The following GYS1 variants were observed in gnomAD, a reference collection of about 807,000 sequenced individuals.
GYS1 encodes the protein glycogen synthase 1, also known as glycogen [starch] synthase, muscle.
Under a neutral mutation model 89.1 loss-of-function variants are expected in GYS1, and 60 were observed. The ratio of observed to expected loss-of-function variants is 0.67; its 90% CI spans 0.55 to 0.84. The LOEUF (loss-of-function observed/expected upper bound fraction) is 0.84, where lower values mean the gene tolerates loss of function less well. Among genes scored for constraint, GYS1 ranks in the 40% least tolerant of loss-of-function variants. The pLI is 0.00. For synonymous variants in GYS1, 366 were observed against 401.7 expected, an observed-to-expected ratio of 0.91 and a Z score of 1.06; for missense variants, 888 against 1,003.1, an observed-to-expected ratio of 0.89 and a Z score of 1.55.
Position 48,968,867 on chromosome 19 carries a change from T to C in GYS1, c.*421A>G, listed in dbSNP as rs181566066. The C allele has an allele frequency of 8.7e-4, 405 of 464,768 alleles. No homozygotes were observed. The highest frequency in any genetic ancestry group is 4.7e-3 in the Middle Eastern group (7 of 1,482). The allele number at this position is 464,768 out of a possible 1,614,324, so 28.8% of individuals were successfully genotyped here. A position where few individuals can be genotyped will look rare whatever the true frequency, so the allele number is the denominator to read the frequency against. On this transcript the variant is annotated 3_prime_UTR_variant, in exon 16 of 16. Coordinates refer to ENST00000323798, the MANE Select transcript of GYS1 (RefSeq NM_002103.5). ...GGGACACCACGTGGTTTCCAGAACT[T>C]GGTGGCCCGCATGCCGGGCCTGAGC...
rs761360593 is a variant in GYS1 at position 48,993,197 on chromosome 19, C to T, written c.-85G>A. The T allele has an allele frequency of 1.2e-6, 1 of 816,380 alleles. No individual in the cohort carries two copies. The highest frequency in any genetic ancestry group is 2.4e-5 in the East Asian group (1 of 41,196). 50.6% of individuals were successfully genotyped at this position (816,380 alleles called of 1,614,324 possible). On this transcript the variant is annotated 5_prime_UTR_variant, in exon 1 of 16. Transcript: ENST00000323798. ...GGAATGCACCAGGTAGGGTGCGGGG[C>T]CGAGTAGCTGGTGCCCGACGGGAAG... is the stretch of plus-strand genomic sequence containing the variant.
rs1417907780 is a variant in GYS1 at position 48,968,381 on chromosome 19, G to A, written c.*907C>T. 1.5e-5 allele frequency: 7 copies of A among 454,392 alleles called. No homozygotes were observed. Among genetic ancestry groups the A allele is most frequent in the African/African-American group, 4.0e-5 (2 of 49,998 alleles). The allele number at this position is 454,392 out of a possible 1,614,324, so 28.1% of individuals were successfully genotyped here. ...GGGAAAGGGATCAGTATGCAGTAAC[G>A]TGGTAAGGTTCCAGATCTAGAAGCC... On this transcript the variant is annotated 3_prime_UTR_variant, in exon 16 of 16. Coordinates refer to ENST00000323798, the MANE Select transcript of GYS1 (RefSeq NM_002103.5).
Position 48,978,173 on chromosome 19 carries a change from C to G in GYS1, c.1170-16G>C, listed in dbSNP as rs759565189. On this transcript the variant is annotated splice_polypyrimidine_tract_variant and intron_variant, in intron 8 of 15. Coordinates refer to ENST00000323798, the MANE Select transcript of GYS1 (RefSeq NM_002103.5). ...GGCCGTGTCCCTGGAGGAAGCAGAG[C>G]AACAGGGTCACATACACACCAGCTG... is the stretch of plus-strand genomic sequence containing the variant. 1 of 1,608,246 alleles carries G rather than the reference C, an allele frequency of 6.2e-7. No individual in the cohort carries two copies. Among genetic ancestry groups the G allele is most frequent in the Non-Finnish European group, 8.5e-7 (1 of 1,174,776 alleles).
intron 3 of GYS1, among the ~76,000 whole-genome samples, chr19:48,986,764 T>A (rs1313268643): frequency 6.6e-6 from 1 of 152,166 alleles, no homozygotes; most frequent in Non-Finnish European, 1.5e-5. Flanking sequence ...CCCAAAGTGC[T>A]GGGATTACAG....
intron 5 of GYS1, among the ~76,000 whole-genome samples, chr19:48,983,384 A>G (rs2038795258): frequency 6.6e-6 from 1 of 152,162 alleles, no homozygotes; most frequent in Non-Finnish European, 1.5e-5. Context: ...AAGTCTCCTC[A>G]GCTACTGCAA....
At chr19:48,986,104 G>T in intron 3 of GYS1, 69 bp from the exon 4 acceptor site, 1 of 1,430,446 alleles carries the variant, frequency 7.0e-7, no homozygotes, top group Non-Finnish European at 9.8e-7. Flanking sequence ...TCCCCAGTAG[G>T]GACAAGGACT....
At chr19:48,985,790 C>G (rs922257086) in intron 4 of GYS1, 60 bp downstream of exon 4, 1 of 1,594,158 alleles carries the variant, frequency 6.3e-7, no homozygotes, top group African/African-American at 1.3e-5. Context: ...TTGGGCCCCC[C>G]AGAGCTTTGG....
intron 12 of GYS1, among the ~76,000 whole-genome samples, chr19:48,972,657 G>T (rs10402780): frequency 0.57 from 85,398 of 150,670 alleles, 24,980 homozygotes; most frequent in African/African-American, 0.74. Context: ...TTTTGTATTT[G>T]TAGTAGAGAT....
chr19:48,977,033 C>T (rs1299036664), intron 10 of GYS1, among the ~76,000 whole-genome samples: 3 of 152,086 alleles, frequency 2.0e-5, no homozygotes, highest in African/African-American at 7.2e-5. Context: ...AAGCGATCCT[C>T]CCACCTCAGC....
intron 5 of GYS1, 104 bp downstream of exon 5, chr19:48,985,357 G>T: frequency 8.4e-7 from 1 of 1,192,532 alleles, no homozygotes; most frequent in Non-Finnish European, 1.2e-6. Flanking sequence ...TTCGGTTTAT[G>T]CTATTTCAAC....
intron 10 of GYS1, 151 bp downstream of exon 10, chr19:48,977,773 C>G: frequency 1.4e-6 from 1 of 703,068 alleles, no homozygotes; most frequent in Admixed American, 2.0e-5. Context: ...TCAGCACGTG[C>G]CCTTCTGTGG....
rs2122505567 is a variant in GYS1 at position 48,981,605 on chromosome 19, A to G, written c.1094T>C (p.Phe365Ser). ...GTTGGTCCGCGCTGGCATGATGAAGAAGGCAACCACTGTCTGCTCGCTGCC... is the reference window on the plus strand; with the variant it reads ...GTTGGTCCGCGCTGGCATGATGAAGGAGGCAACCACTGTCTGCTCGCTGCC... Reference protein sequence around the residue: ...VNGSEQTVVAFFIMPARTNNF... With the variant: ...VNGSEQTVVASFIMPARTNNF... The change falls in exon 8 of 16, where the codon TTC becomes TCC. Residue 365 changes from phenylalanine to serine, a missense_variant. Physicochemically the swap from Phe to Ser is radical, Grantham distance 155. Transcript: ENST00000323798. The G allele has an allele frequency of 1.2e-6, 2 of 1,613,272 alleles. No individual in the cohort carries two copies. The highest frequency in any genetic ancestry group is 1.1e-5 in the South Asian group (1 of 91,062).
rs368204451 is a variant in GYS1, at chr19:48,982,395, C to A, written c.942-20G>T. 1.5e-5 allele frequency: 24 copies of A among 1,613,188 alleles called. No individual in the cohort carries two copies. In the African/African-American group the frequency reaches 2.3e-4, roughly 15 times the overall value. Reference sequence around the variant, plus strand: ...AGATGCCTAAAGAACCCACAAGGCACGGTAAAGCCCAAAGCCCTCACCCGC... The same window carrying A: ...AGATGCCTAAAGAACCCACAAGGCAAGGTAAAGCCCAAAGCCCTCACCCGC... On this transcript the variant is annotated intron_variant, in intron 6 of 15. Coordinates refer to ENST00000323798, the MANE Select transcript of GYS1 (RefSeq NM_002103.5).
intron 8 of GYS1, 156 bp from the exon 9 acceptor site, chr19:48,978,313 C>A (rs1350217010): frequency 1.2e-5 from 8 of 693,662 alleles, no homozygotes; most frequent in Admixed American, 1.0e-4. Flanking sequence ...GCAACCTCTG[C>A]CTCCCAGGTT....
At chr19:48,981,938 G>A (rs1219866705) in intron 7 of GYS1, among the ~76,000 whole-genome samples, 1 of 152,000 alleles carries the variant, frequency 6.6e-6, no homozygotes, top group Non-Finnish European at 1.5e-5. Context: ...TGTCGCCCAG[G>A]CTGGAGTGCA....
intron 5 of GYS1, among the ~76,000 whole-genome samples, chr19:48,984,858 G>T (rs1387935669): frequency 6.6e-6 from 1 of 151,870 alleles, no homozygotes; most frequent in East Asian, 2.0e-4. Flanking sequence ...TCCAGCCTGG[G>T]CGACAGAGCG....
intron 14 of GYS1, chr19:48,970,245 C>T (rs2038539688): frequency 2.1e-6 from 1 of 468,658 alleles, no homozygotes; most frequent in Non-Finnish European, 3.9e-6. Flanking sequence ...CCACCTCAGC[C>T]TCCCCAGTAG....
chr19:48,976,537 A>G (rs887652037), intron 10 of GYS1, among the ~76,000 whole-genome samples: 2 of 152,120 alleles, frequency 1.3e-5, no homozygotes, highest in African/African-American at 4.8e-5. Flanking sequence ...ACCAACACAC[A>G]GCCTCTGGAA....
chr19:48,980,036 C>A (rs2038733500), intron 8 of GYS1, among the ~76,000 whole-genome samples: 1 of 152,102 alleles, frequency 6.6e-6, no homozygotes, highest in South Asian at 2.1e-4. Flanking sequence ...CCTCAACCTC[C>A]AGGGCCAAAA....
Sources: gnomAD v4.1 joint callset for allele counts (sites outside exome capture counted in the v4.1 genomes callset) on GRCh38, gnomAD v4.1.1 for gene constraint, MANE v1.5 for transcripts, NCBI Gene and HGNC (gene_info 2026-07-23, HGNC 2026-07-21) for gene names.